The following EXD3 variants were observed in gnomAD, a reference collection of about 807,000 sequenced individuals.
EXD3 encodes exonuclease mut-7 homolog.
EXD3 carries 92 observed loss-of-function variants against 98.0 expected under a neutral mutation model. The observed-to-expected ratio is 0.94, with a 90% CI of 0.79 to 1.12. The LOEUF (loss-of-function observed/expected upper bound fraction) is 1.12, where lower values mean the gene tolerates loss of function less well. Among genes scored for constraint, EXD3 ranks in the 50% most tolerant of loss-of-function variants. The probability of loss-of-function intolerance (pLI) is 0.00; values close to 1 mark genes in which losing one functional copy is unlikely to be tolerated. For missense variants in EXD3, 1,222 were observed against 1,191.6 expected, an observed-to-expected ratio of 1.03 and a Z score of -0.38; for synonymous variants, 569 against 526.0, an observed-to-expected ratio of 1.08 and a Z score of -1.12.
intron 19 of EXD3, among the ~76,000 whole-genome samples, chr9:137,318,508 G>A (rs548468160): frequency 6.6e-6 from 1 of 152,326 alleles, no homozygotes; most frequent in South Asian, 2.1e-4. Context: ...GGTAAAAATA[G>A]ACGGTATGCC....
intron 19 of EXD3, among the ~76,000 whole-genome samples, chr9:137,318,939 G>A (rs1302315502): frequency 6.6e-6 from 1 of 152,266 alleles, no homozygotes; most frequent in Non-Finnish European, 1.5e-5. Flanking sequence ...CACCCAGAGA[G>A]CACCCCAGCC....
At chr9:137,420,601 C>T (rs1191246453) in intron 1 of EXD3, among the ~76,000 whole-genome samples, 2 of 152,098 alleles carry the variant, frequency 1.3e-5, no homozygotes, top group Non-Finnish European at 2.9e-5. Context: ...ATAAAAAGCC[C>T]CTTGGGATGA....
At chr9:137,378,296 C>T (rs540822901) in intron 3 of EXD3, among the ~76,000 whole-genome samples, 1 of 152,162 alleles carries the variant, frequency 6.6e-6, no homozygotes, top group African/African-American at 2.4e-5. Context: ...GCAACCTCCG[C>T]CTCTGGGGTT....
At chr9:137,384,470 C>T (rs751726626) in intron 2 of EXD3, among the ~76,000 whole-genome samples, 2 of 152,220 alleles carry the variant, frequency 1.3e-5, no homozygotes, top group Non-Finnish European at 1.5e-5. Context: ...GGGCAGGGAG[C>T]GCCCTGAACT....
intron 7 of EXD3, chr9:137,365,655 A>G (rs376176826): frequency 0.011 from 2,793 of 243,896 alleles, 73 homozygotes; most frequent in African/African-American, 0.051. Flanking sequence ...ATACATGTAC[A>G]CACACCACAC....
Position 137,307,240 on chromosome 9 carries a change from C to T in EXD3, c.2341G>A (p.Glu781Lys), listed in dbSNP as rs1831091977. The T allele has an allele frequency of 1.3e-6, 2 of 1,553,178 alleles. No homozygotes were observed. Among genetic ancestry groups the T allele is most frequent in the Middle Eastern group, 1.8e-4 (1 of 5,520 alleles). ...CAGGGGCGGTCATAGGTGCAGCCCT[C>T]AGGGGCTGCGTCTGGGGCTGGGCCT... Reference protein sequence around the residue: ...EPGPAPDAAPEGCTYDRPCRW... With the variant: ...EPGPAPDAAPKGCTYDRPCRW... The change falls in exon 22 of 22, where the codon GAG becomes AAG. Residue 781 changes from glutamate to lysine, a missense_variant. Physicochemically the swap from Glu to Lys is moderately conservative, Grantham distance 56 (BLOSUM62 1). Coordinates refer to ENST00000340951, the MANE Select transcript of EXD3 (RefSeq NM_017820.5).
chr9:137,391,250 CTTCGTAG>C (rs917841666), intron 2 of EXD3, among the ~76,000 whole-genome samples: 37 of 152,390 alleles, frequency 2.4e-4, no homozygotes, highest in Admixed American at 8.5e-4. Context: ...CATCACGGAG[CTTCGTAG>C]GAAAAGTGGC....
At position 137,352,665 on chromosome 9, in the gene EXD3, G is replaced by T. The variant is rs1194202749; in HGVS notation, c.992C>A (p.Pro331Gln). 1.9e-6 allele frequency: 3 copies of T among 1,550,642 alleles called. No homozygotes were observed. The highest frequency in any genetic ancestry group is 1.4e-5 in the African/African-American group (1 of 73,098). ...GCGGAGTTCCACAGCCACCGCAGCC[G>T]GCAGCCGCTCCTCGGGCAGCAAGAG... ...MELLLPEERL[P>Q]AAVAVELRRF... Residue 331 changes from proline (P) to glutamine (Q), a missense_variant, in exon 11 of 22, where the codon CCG becomes CAG. Transcript: ENST00000340951.
chr9:137,358,279 G>T (rs1032416421), intron 7 of EXD3, among the ~76,000 whole-genome samples: 8 of 152,206 alleles, frequency 5.3e-5, no homozygotes, highest in African/African-American at 1.9e-4. Context: ...GAAGGCCAGA[G>T]GTGCTGTGGG....
intron 19 of EXD3, among the ~76,000 whole-genome samples, chr9:137,314,261 C>T (rs760523217): frequency 3.9e-5 from 6 of 152,206 alleles, no homozygotes; most frequent in Non-Finnish European, 1.5e-5. Context: ...CTGGGCTGCC[C>T]GCCCCAAAGG....
At chr9:137,402,009 C>T (rs1837499083) in intron 1 of EXD3, among the ~76,000 whole-genome samples, 1 of 152,088 alleles carries the variant, frequency 6.6e-6, no homozygotes, top group South Asian at 2.1e-4. Context: ...CCTTTTTAAA[C>T]ATAATTCTTT....
chr9:137,328,369 CCATATGATGAGTAAAA>C (rs1564476838), intron 17 of EXD3, among the ~76,000 whole-genome samples: 91 of 2,120 alleles, frequency 0.043, 2 homozygotes, highest in African/African-American at 0.058. Context: ...GAATAAACAC[CCATATGATGAGTAAAA>C]ACAACTAATA....
intron 2 of EXD3, among the ~76,000 whole-genome samples, chr9:137,387,790 G>A (rs575772182): frequency 2.6e-5 from 4 of 152,318 alleles, no homozygotes; most frequent in East Asian, 3.9e-4. Context: ...TCGCCTCCTC[G>A]TGCAGTAGCT....
intron 5 of EXD3, among the ~76,000 whole-genome samples, chr9:137,368,920 G>C (rs557771325): frequency 1.4e-5 from 2 of 144,180 alleles, no homozygotes; most frequent in African/African-American, 2.6e-5. Context: ...GGGCAGGGGC[G>C]CCTGGCCCGG....
chr9:137,311,011 G>C (rs896837488), intron 19 of EXD3, among the ~76,000 whole-genome samples: 1 of 152,224 alleles, frequency 6.6e-6, no homozygotes, highest in Non-Finnish European at 1.5e-5. Flanking sequence ...CCATGTTGGG[G>C]GCACCGGCCC....
rs940001352 is a variant in EXD3 at position 137,344,291 on chromosome 9, T to C, written c.1998+3780A>G. On this transcript the variant is annotated intron_variant, in intron 17 of 21. Transcript: ENST00000340951. ...TCCCAGAACCAGTGCAGACAACTCA[T>C]CTGTAAGACTTTCCTCTGCAACAAC... Among the ~76,000 whole-genome samples, 4 of 152,240 alleles carry C rather than the reference T, an allele frequency of 2.6e-5. No individual in the cohort carries two copies. In the South Asian group the frequency reaches 6.2e-4, roughly 24 times the overall value.
At chr9:137,365,898 CACACATACAT>C (rs1430414512) in intron 7 of EXD3, 6 of 394,276 alleles carry the variant, frequency 1.5e-5, no homozygotes, top group Non-Finnish European at 2.5e-5. Context: ...CCTGCAGGCA[CACACATACAT>C]GCACACACAT....
chr9:137,387,361 GC>G (rs759765249), intron 2 of EXD3, among the ~76,000 whole-genome samples: 3 of 152,240 alleles, frequency 2.0e-5, no homozygotes, highest in Non-Finnish European at 4.4e-5. Context: ...CAACTGGGGA[GC>G]CCTGGGGAGC....
At chr9:137,348,321 T>TGGGG in intron 16 of EXD3, 83 bp from the exon 17 acceptor site, 1 of 1,388,556 alleles carries the variant, frequency 7.2e-7, no homozygotes. Flanking sequence ...TGAGGCTGTG[T>TGGGG]GGCCAGCACT....
Sources: gnomAD v4.1 joint callset for allele counts (sites outside exome capture counted in the v4.1 genomes callset) on GRCh38, gnomAD v4.1.1 for gene constraint, MANE v1.5 for transcripts, NCBI Gene and HGNC (gene_info 2026-07-23, HGNC 2026-07-21) for gene names.